TRIM23: variants seen among roughly 807,000 people sequenced by gnomAD.
TRIM23 encodes the protein E3 ubiquitin-protein ligase TRIM23.
A neutral mutation model predicts 71.0 loss-of-function variants in TRIM23; 27 were observed. The ratio of observed to expected loss-of-function variants is 0.38; its 90% CI spans 0.28 to 0.52. TRIM23 has a LOEUF of 0.52. Among genes scored for constraint, TRIM23 ranks in the 20% least tolerant of loss-of-function variants. TRIM23 has a pLI of 0.84. For missense variants in TRIM23, 482 were observed against 692.3 expected, an observed-to-expected ratio of 0.70 and a Z score of 3.41; for synonymous variants, 234 against 238.0, an observed-to-expected ratio of 0.98 and a Z score of 0.16.
chr5:65,594,719 A>G (rs1754149179), intron 9 of TRIM23, 74 bp from the exon 10 acceptor site: 36 of 1,303,032 alleles, frequency 2.8e-5, no homozygotes, highest in Non-Finnish European at 3.3e-5. Flanking sequence ...ATATTTAATG[A>G]TATCATTATT....
intron 1 of TRIM23, 39 bp from the exon 2 acceptor site, chr5:65,618,294 T>G (rs1449200924): frequency 6.4e-7 from 1 of 1,563,586 alleles, no homozygotes; most frequent in South Asian, 1.2e-5. Flanking sequence ...TTTAAACAAT[T>G]TTAAAAGCAT....
chr5:65,599,069 G>T (rs1416157741), intron 7 of TRIM23, among the ~76,000 whole-genome samples: 1 of 151,908 alleles, frequency 6.6e-6, no homozygotes, highest in African/African-American at 2.4e-5. Flanking sequence ...TGCCCACAGA[G>T]CAATTAGGCA....
chr5:65,605,144 T>C (rs1228111671), intron 6 of TRIM23, 99 bp from the exon 7 acceptor site: 2 of 1,121,280 alleles, frequency 1.8e-6, no homozygotes, highest in African/African-American at 3.2e-5. Flanking sequence ...TTTAACATTA[T>C]AGTAGTCAAA....
In TRIM23 at chr5:65,590,197, CTTTT is replaced by C. The variant is rs921951016; in HGVS notation, c.*1568_*1571del. 123 of 797,838 alleles carry C rather than the reference CTTTT, an allele frequency of 1.5e-4. No homozygotes were observed. The highest frequency in any genetic ancestry group is 9.9e-4 in the Middle Eastern group (4 of 4,036). The allele number at this position is 797,838 out of a possible 1,614,324, so 49.4% of individuals were successfully genotyped here. On this transcript the variant is annotated 3_prime_UTR_variant, in exon 11 of 11. Coordinates refer to ENST00000231524, the MANE Select transcript of TRIM23 (RefSeq NM_001656.4). ...CAAGTTCTCACAAGCAATACAACAC[CTTTT>C]TTATTTTTCACAGTTATTGAAATCA... is the stretch of plus-strand genomic sequence containing the variant.
intron 3 of TRIM23, among the ~76,000 whole-genome samples, 177 bp from the exon 4 acceptor site, chr5:65,612,058 G>C (rs37332): frequency 0.62 from 94,332 of 152,012 alleles, 29,525 homozygotes; most frequent in South Asian, 0.65. Context: ...TTCATTTCTA[G>C]GGGTAAGAAG....
intron 10 of TRIM23, 74 bp from the exon 11 acceptor site, chr5:65,592,022 G>A: frequency 7.1e-7 from 1 of 1,414,122 alleles, no homozygotes; most frequent in African/African-American, 1.4e-5. Context: ...CATTTATAGA[G>A]AAATTTGTTG....
At chr5:65,607,821 G>A (rs1361382402) in intron 6 of TRIM23, among the ~76,000 whole-genome samples, 4 of 152,062 alleles carry the variant, frequency 2.6e-5, no homozygotes, top group Non-Finnish European at 5.9e-5. Flanking sequence ...TTCATTATCC[G>A]CCATGAGTTA....
rs1445358636 is a variant in TRIM23, at chr5:65,597,054, T to C, written c.1306A>G (p.Ile436Val). Residue 436 changes from isoleucine to valine, a missense_variant, in exon 8 of 11, where the codon ATT (isoleucine) becomes GTT (valine). By Grantham distance (29) the Ile-to-Val change is conservative (BLOSUM62 3). Coordinates refer to ENST00000231524, the MANE Select transcript of TRIM23 (RefSeq NM_001656.4). Reference sequence around the variant, plus strand: ...AAAAACCAATATTCATACTTACCAATTGTTGGAATGGGCTGCATGAATTCA... The same window carrying C: ...AAAAACCAATATTCATACTTACCAACTGTTGGAATGGGCTGCATGAATTCA... ...QDEFMQPIPT[I>V]GFNVETVEYK... 6.2e-7 allele frequency: 1 copy of C among 1,613,948 alleles called. No individual in the cohort carries two copies. Among genetic ancestry groups the C allele is most frequent in the Non-Finnish European group, 8.5e-7 (1 of 1,179,936 alleles).
Position 65,591,378 on chromosome 5 carries a change from T to G in TRIM23, c.*391A>C. 1.3e-6 allele frequency: 2 copies of G among 1,539,384 alleles called. No individual in the cohort carries two copies. The highest frequency in any genetic ancestry group is 2.6e-5 in the South Asian group (2 of 78,164). On this transcript the variant is annotated 3_prime_UTR_variant, in exon 11 of 11. Coordinates refer to ENST00000231524, the MANE Select transcript of TRIM23 (RefSeq NM_001656.4). ...AAGAAGCAGCTATACTTCACTTGCT[T>G]CACACAGAGGTCTCATTAGGCACTC...
At chr5:65,621,462 A>T (rs1292531865) in intron 1 of TRIM23, among the ~76,000 whole-genome samples, 7 of 152,248 alleles carry the variant, frequency 4.6e-5, no homozygotes, top group Non-Finnish European at 7.3e-5. Flanking sequence ...GAACCATATT[A>T]AAATTGTTTA....
chr5:65,610,986 G>A lies in TRIM23; in HGVS notation c.703C>T (p.His235Tyr), dbSNP rs760798136. Residue 235 changes from histidine (H) to tyrosine (Y), a missense_variant, in exon 5 of 11, where the codon CAC becomes TAC. By Grantham distance (83) the His-to-Tyr change is moderately conservative (BLOSUM62 2). This residue lies in a region of TRIM23 where 307 missense variants were observed against 495.8 expected (regional missense o/e 0.62). Coordinates refer to ENST00000231524, the MANE Select transcript of TRIM23 (RefSeq NM_001656.4). ...QIRASILDMA[H>Y]CIRTFTEEIS... ...TCCTCTGTGAAGGTCCGTATGCAGT[G>A]AGCCATATCTAAAATTGATGCTCGG... 2 of 1,613,628 alleles carry A rather than the reference G, an allele frequency of 1.2e-6. No homozygotes were observed. The highest frequency in any genetic ancestry group is 1.7e-6 in the Non-Finnish European group (2 of 1,179,864).
intron 7 of TRIM23, among the ~76,000 whole-genome samples, chr5:65,600,601 A>T (rs1164231549): frequency 1.4e-5 from 2 of 147,344 alleles, no homozygotes; most frequent in East Asian, 4.1e-4. Context: ...GAGTGACTTC[A>T]GGGATACACG....
At chr5:65,622,461 G>A (rs912208469) in intron 1 of TRIM23, among the ~76,000 whole-genome samples, 1 of 152,152 alleles carries the variant, frequency 6.6e-6, no homozygotes, top group African/African-American at 2.4e-5. Flanking sequence ...CTTTACAGGC[G>A]TGTGCCACCG....
chr5:65,617,451 A>G (rs901146225), intron 2 of TRIM23, among the ~76,000 whole-genome samples: 2 of 152,220 alleles, frequency 1.3e-5, no homozygotes, highest in African/African-American at 4.8e-5. Context: ...TCCCTTATCA[A>G]AAAGAGTAAA....
intron 8 of TRIM23, 146 bp from the exon 9 acceptor site, chr5:65,596,677 C>A: frequency 1.6e-6 from 1 of 624,216 alleles, no homozygotes; most frequent in Non-Finnish European, 2.8e-6. Flanking sequence ...CAACCCCATT[C>A]CTACTCCTAC....
chr5:65,604,269 A>C (rs1581181075), intron 7 of TRIM23, among the ~76,000 whole-genome samples: 2 of 151,952 alleles, frequency 1.3e-5, no homozygotes, highest in Non-Finnish European at 2.9e-5. Context: ...AAATTTTTGT[A>C]CTTTTAGTAG....
chr5:65,610,793 C>T, intron 5 of TRIM23, 68 bp downstream of exon 5: 1 of 1,383,726 alleles, frequency 7.2e-7, no homozygotes, highest in Non-Finnish European at 9.8e-7. Flanking sequence ...CCATTAATTA[C>T]TTAGTAGAAG....
At chr5:65,594,736 T>C (rs1754149836) in intron 9 of TRIM23, 91 bp from the exon 10 acceptor site, 11 of 1,195,374 alleles carry the variant, frequency 9.2e-6, no homozygotes, top group Non-Finnish European at 1.2e-5. Context: ...TATTATGTTA[T>C]GGTTAGAGTT....
At chr5:65,611,463 C>A in intron 4 of TRIM23, 140 bp downstream of exon 4, 1 of 825,534 alleles carries the variant, frequency 1.2e-6, no homozygotes, top group Non-Finnish European at 1.7e-6. Flanking sequence ...CATTTATTTT[C>A]ATGCTACCAA....
Sources: gnomAD v4.1 joint callset for allele counts (sites outside exome capture counted in the v4.1 genomes callset) on GRCh38, gnomAD v4.1.1 for gene constraint, gnomAD v4.1.1 regional missense constraint, MANE v1.5 for transcripts, NCBI Gene and HGNC (gene_info 2026-07-23, HGNC 2026-07-21) for gene names.